RNF144A: variants seen among roughly 807,000 people sequenced by gnomAD.
RNF144A encodes ring finger protein 144A.
RNF144A carries 11 observed loss-of-function variants against 38.7 expected under a neutral mutation model. The observed-to-expected ratio is 0.28, with a 90% CI of 0.18 to 0.47. The LOEUF is 0.47. RNF144A is among the 20% of genes least tolerant of loss of function. The probability of loss-of-function intolerance (pLI) is 0.99; values close to 1 mark genes in which losing one functional copy is unlikely to be tolerated. For missense variants in RNF144A, 316 were observed against 377.2 expected (o/e 0.84, Z 1.34); for synonymous variants, 149 against 143.9 (o/e 1.04, Z -0.25).
intron 3 of RNF144A, among the ~76,000 whole-genome samples, chr2:6,997,589 G>T (rs1363439560): frequency 6.6e-6 from 1 of 152,184 alleles, no homozygotes; most frequent in African/African-American, 2.4e-5. Flanking sequence ...TAATGAATAT[G>T]GGGACTTCTA....
At chr2:6,919,370 GT>G (rs1487018075) in intron 1 of RNF144A, among the ~76,000 whole-genome samples, 1 of 152,208 alleles carries the variant, frequency 6.6e-6, no homozygotes, top group Non-Finnish European at 1.5e-5. Context: ...AGGGAACCTT[GT>G]TTTTTGCACT....
At chr2:6,983,092 G>T (rs919435422) in intron 2 of RNF144A, among the ~76,000 whole-genome samples, 11 of 152,312 alleles carry the variant, frequency 7.2e-5, no homozygotes, top group African/African-American at 2.4e-4. Context: ...AATGGTATTT[G>T]CTGGCCTCTC....
At chr2:7,022,578 C>T (rs929811828) in intron 6 of RNF144A, among the ~76,000 whole-genome samples, 4 of 152,172 alleles carry the variant, frequency 2.6e-5, no homozygotes, top group Admixed American at 6.5e-5. Context: ...CTGTTCCTGC[C>T]GTTTCTTCCA....
intron 8 of RNF144A, among the ~76,000 whole-genome samples, chr2:7,032,007 CT>C (rs1672337657): frequency 6.6e-6 from 1 of 152,394 alleles, no homozygotes; most frequent in African/African-American, 2.4e-5. Context: ...AATGTGTGTA[CT>C]TGATCTGAAT....
At position 7,034,271 on chromosome 2, in the gene RNF144A, C is replaced by CA. The variant is rs577715862; in HGVS notation, c.747+4071dup. Among the ~76,000 whole-genome samples, 642 of 113,680 alleles carry CA rather than the reference C, an allele frequency of 5.6e-3. 3 individuals carry two copies. The highest frequency in any genetic ancestry group is 0.013 in the African/African-American group (408 of 30,912). The allele number at this position is 113,680 out of a possible 152,430, so 74.6% of individuals were successfully genotyped here. ...TGGGCGACAGAGCAAGACTCTGTCT[C>CA]AAAAAAAAAAAAAAAGTTCACAAAA... On this transcript the variant is annotated intron_variant, in intron 8 of 8. Transcript: ENST00000320892.
intron 5 of RNF144A, among the ~76,000 whole-genome samples, chr2:7,015,774 C>T (rs951382360): frequency 3.9e-5 from 6 of 152,088 alleles, no homozygotes; most frequent in Non-Finnish European, 7.4e-5. Context: ...ACCTTGCAGG[C>T]GGATTCTGAG....
chr2:6,985,267 CCTCTTT>C (rs1668875847), intron 2 of RNF144A, among the ~76,000 whole-genome samples: 1 of 88,476 alleles, frequency 1.1e-5, no homozygotes, highest in Non-Finnish European at 2.6e-5. Context: ...CTCCCTCCCC[CCTCTTT>C]TTTTTTTTTT....
intron 3 of RNF144A, among the ~76,000 whole-genome samples, chr2:7,005,304 G>A (rs309319): frequency 0.55 from 84,150 of 152,008 alleles, 24,209 homozygotes; most frequent in Non-Finnish European, 0.64. Context: ...CTGCTCTGCA[G>A]GCTGGCTCCT....
In RNF144A at chr2:6,925,863, C is replaced by T. The variant is rs1421285301; in HGVS notation, c.-212+8241C>T. Among the ~76,000 whole-genome samples the T allele has an allele frequency of 2.0e-5, 3 of 152,206 alleles. No individual in the cohort carries two copies. The East Asian group carries it at 5.8e-4, about 29-fold the overall frequency. ...TGGGGGAGACATGATTCAACACACA[C>T]GTGTGCGCACACACACAAACACACA... On this transcript the variant is annotated intron_variant, in intron 1 of 8. Transcript: ENST00000320892.
chr2:6,981,168 T>C (rs1668609951), intron 2 of RNF144A, among the ~76,000 whole-genome samples: 1 of 152,218 alleles, frequency 6.6e-6, no homozygotes, highest in Non-Finnish European at 1.5e-5. Flanking sequence ...CTTGAAGATC[T>C]CTGAAATGCC....
intron 5 of RNF144A, among the ~76,000 whole-genome samples, chr2:7,017,447 TC>T (rs1671214056): frequency 6.6e-6 from 1 of 151,956 alleles, no homozygotes; most frequent in African/African-American, 2.4e-5. Context: ...AAACCCACCA[TC>T]CCAGCCCTGC....
chr2:7,076,089 G>C, the RNF144A span, among the ~76,000 whole-genome samples: 19 of 152,108 alleles, frequency 1.2e-4, no homozygotes, highest in Admixed American at 3.3e-4. Flanking sequence ...GAGCCTCCCT[G>C]TGTTTCTGTA....
Position 7,039,493 on chromosome 2 carries a change from T to C in RNF144A, c.748-136T>C, listed in dbSNP as rs541029584. 35 of 1,424,270 alleles carry C rather than the reference T, an allele frequency of 2.5e-5. No individual in the cohort carries two copies. The Admixed American group carries it at 5.4e-4, about 22-fold the overall frequency. 88.2% of individuals were successfully genotyped at this position (1,424,270 alleles called of 1,614,324 possible). A position where few individuals can be genotyped will look rare whatever the true frequency, so the allele number is the denominator to read the frequency against. On this transcript the variant is annotated intron_variant, in intron 8 of 8. Coordinates refer to ENST00000320892, the MANE Select transcript of RNF144A (RefSeq NM_014746.6). ...AGTAGATGATGACTAGATGGGTAGA[T>C]GGATGGATGGATAGATGGATGGTTG...
intron 6 of RNF144A, among the ~76,000 whole-genome samples, chr2:7,067,837 AAG>A: frequency 6.6e-6 from 1 of 152,286 alleles, no homozygotes; most frequent in Non-Finnish European, 1.5e-5. Flanking sequence ...TCAGTTTATC[AAG>A]AACTCCCCCA....
chr2:6,951,393 A>C (rs773906010), intron 2 of RNF144A, among the ~76,000 whole-genome samples: 39 of 152,154 alleles, frequency 2.6e-4, no homozygotes, highest in Non-Finnish European at 4.7e-4. Context: ...CTTGGCTTCC[A>C]ACCTTTTCCC....
At chr2:6,945,160 T>C (rs1435764964) in intron 2 of RNF144A, among the ~76,000 whole-genome samples, 1 of 152,268 alleles carries the variant, frequency 6.6e-6, no homozygotes, top group African/African-American at 2.4e-5. Flanking sequence ...GGTCTGCTTT[T>C]GGCTAGCTGG....
In RNF144A at chr2:7,020,489, C is replaced by G. The variant is rs1423018473; in HGVS notation, c.318C>G (p.Pro106=). 5 of 1,613,836 alleles carry G rather than the reference C, an allele frequency of 3.1e-6. No homozygotes were observed. The highest frequency in any genetic ancestry group is 4.2e-6 in the Non-Finnish European group (5 of 1,179,980). The change falls in exon 6 of 9, where the codon CCC becomes CCG. Residue 106 remains proline, a synonymous_variant. Coordinates refer to ENST00000320892, the MANE Select transcript of RNF144A (RefSeq NM_014746.6). ...CTGTACCAGAGGTGCTGTTTGATCC[C>G]TGTCGGACTTGGTGCCCGGCGTCCA... The part of the protein sequence containing the change: ...LQFEREVLFD[P]CRTWCPASTC...
chr2:6,996,765 A>G, intron 2 of RNF144A, 151 bp from the exon 3 acceptor site: 1 of 788,608 alleles, frequency 1.3e-6, no homozygotes, highest in South Asian at 1.9e-5. Context: ...AAAAAACCAA[A>G]AAATTCTCAG....
At chr2:6,989,197 A>ACCGGTT (rs1669178217) in intron 2 of RNF144A, among the ~76,000 whole-genome samples, 2 of 152,244 alleles carry the variant, frequency 1.3e-5, no homozygotes, top group Non-Finnish European at 2.9e-5. Flanking sequence ...GTGTGCACAC[A>ACCGGTT]AGTCTATACA....
Sources: gnomAD v4.1 joint callset for allele counts (sites outside exome capture counted in the v4.1 genomes callset) on GRCh38, gnomAD v4.1.1 for gene constraint, MANE v1.5 for transcripts, NCBI Gene and HGNC (gene_info 2026-07-23, HGNC 2026-07-21) for gene names.